Variants in PDZD2 observed in about 807,000 individuals in gnomAD.
PDZD2 encodes the protein PDZ domain-containing protein 2.
Under a neutral mutation model 220.7 loss-of-function variants are expected in PDZD2, and 90 were observed. The observed-to-expected ratio is 0.41, with a 90% CI of 0.34 to 0.49. PDZD2 has a LOEUF of 0.49. Ranked by LOEUF, PDZD2 falls within the 20% of genes least tolerant of loss-of-function variation. PDZD2 has a pLI of 0.28. For synonymous variants in PDZD2, 1,375 were observed against 1,450.5 expected, an observed-to-expected ratio of 0.95 and a Z score of 1.18; for missense variants, 3,174 against 3,608.5, an observed-to-expected ratio of 0.88 and a Z score of 3.08.
intron 2 of PDZD2, among the ~76,000 whole-genome samples, chr5:31,880,225 T>C (rs971908688): frequency 1.3e-5 from 2 of 152,170 alleles, no homozygotes; most frequent in African/African-American, 4.8e-5. Context: ...ACCCGGCCAA[T>C]ACCTGCCTTT....
intron 2 of PDZD2, 34 bp from the exon 3 acceptor site, chr5:31,983,121 G>A: frequency 6.3e-7 from 1 of 1,589,910 alleles, no homozygotes. Context: ...AAGGGTGTGT[G>A]GGGTTCTAAC....
chr5:31,680,280 A>G (rs1048374228), intron 1 of PDZD2, among the ~76,000 whole-genome samples: 5 of 152,170 alleles, frequency 3.3e-5, no homozygotes, highest in Admixed American at 6.5e-5. Flanking sequence ...GCTTCCCTTC[A>G]CAGAAAGGCT....
intron 1 of PDZD2, among the ~76,000 whole-genome samples, chr5:31,655,216 A>G (rs1745501379): frequency 6.6e-6 from 1 of 152,198 alleles, no homozygotes; most frequent in African/African-American, 2.4e-5. Flanking sequence ...TCTGTCACCC[A>G]GGCTGGAGTG....
chr5:31,846,278 C>T (rs1051285553), intron 2 of PDZD2, among the ~76,000 whole-genome samples: 11 of 152,178 alleles, frequency 7.2e-5, no homozygotes, highest in East Asian at 1.9e-4. Context: ...GGATTACAGG[C>T]GTGCACCACT....
chr5:31,754,399 A>G (rs1446099282), intron 1 of PDZD2: 1 of 151,956 alleles, frequency 6.6e-6, no homozygotes, highest in South Asian at 2.1e-4. Context: ...TGAATTTTCG[A>G]GGCTCTCGGT....
intron 2 of PDZD2, among the ~76,000 whole-genome samples, chr5:31,888,095 A>G (rs1230037168): frequency 6.6e-6 from 1 of 152,150 alleles, no homozygotes; most frequent in Non-Finnish European, 1.5e-5. Flanking sequence ...GATATTGCCC[A>G]TAGAAGCTTT....
intron 7 of PDZD2, among the ~76,000 whole-genome samples, chr5:32,041,476 C>T (rs1756143470): frequency 6.6e-6 from 1 of 152,044 alleles, no homozygotes. Flanking sequence ...ATAGGAGACT[C>T]CATTTTGTTC....
chr5:31,888,235 C>T (rs1297767830), intron 2 of PDZD2, among the ~76,000 whole-genome samples: 1 of 151,964 alleles, frequency 6.6e-6, no homozygotes, highest in African/African-American at 2.4e-5. Flanking sequence ...CTCTGTCACC[C>T]AGGCTGGAGT....
intron 1 of PDZD2, chr5:31,657,168 G>A (rs1745585196): frequency 6.6e-6 from 1 of 152,224 alleles, no homozygotes; most frequent in South Asian, 2.1e-4. Flanking sequence ...AGGGGATAAG[G>A]TTACTAGACC....
chr5:31,858,899 A>T (rs1442068003), intron 2 of PDZD2, among the ~76,000 whole-genome samples: 1 of 152,020 alleles, frequency 6.6e-6, no homozygotes, highest in Admixed American at 6.6e-5. Flanking sequence ...TTGTATCTTT[A>T]GTAGAGTCGG....
chr5:31,923,178 CCAGCTACT>C (rs1012656523), intron 2 of PDZD2, among the ~76,000 whole-genome samples: 2 of 152,192 alleles, frequency 1.3e-5, no homozygotes, highest in South Asian at 2.1e-4. Flanking sequence ...ACCTGTAATC[CCAGCTACT>C]CAGGGGGCAG....
At chr5:31,909,798 G>C (rs952427019) in intron 2 of PDZD2, among the ~76,000 whole-genome samples, 1 of 151,984 alleles carries the variant, frequency 6.6e-6, no homozygotes, top group African/African-American at 2.4e-5. Flanking sequence ...CAAATAATCA[G>C]AGCCAAATTT....
chr5:31,664,428 A>G (rs1319026457), intron 1 of PDZD2, among the ~76,000 whole-genome samples: 3 of 151,820 alleles, frequency 2.0e-5, no homozygotes, highest in African/African-American at 4.8e-5. Context: ...ACACTCATAC[A>G]CAGACACATG....
At chr5:31,859,607 C>T (rs1049692451) in intron 2 of PDZD2, among the ~76,000 whole-genome samples, 1 of 152,116 alleles carries the variant, frequency 6.6e-6, no homozygotes, top group African/African-American at 2.4e-5. Context: ...TTCTCTACTC[C>T]CTGCACTCTT....
At chr5:31,737,394 G>A (rs371292245) in intron 1 of PDZD2, among the ~76,000 whole-genome samples, 4 of 151,960 alleles carry the variant, frequency 2.6e-5, no homozygotes, top group Non-Finnish European at 2.9e-5. Context: ...GGATGGTCTT[G>A]ATCTCCTGAC....
At chr5:31,877,356 C>T (rs1157729905) in intron 2 of PDZD2, among the ~76,000 whole-genome samples, 1 of 152,080 alleles carries the variant, frequency 6.6e-6, no homozygotes, top group East Asian at 1.9e-4. Flanking sequence ...GCTGGGACCA[C>T]AGGTGCATAC....
chr5:31,700,105 G>A (rs982827420), intron 1 of PDZD2, among the ~76,000 whole-genome samples: 1 of 152,128 alleles, frequency 6.6e-6, no homozygotes, highest in Non-Finnish European at 1.5e-5. Context: ...GATTTGGCTC[G>A]AATGAGAGCC....
chr5:31,784,585 C>A (rs902507831), intron 1 of PDZD2, among the ~76,000 whole-genome samples: 1 of 152,140 alleles, frequency 6.6e-6, no homozygotes, highest in African/African-American at 2.4e-5. Flanking sequence ...CAGTGCAAAA[C>A]AGGGACAAAA....
chr5:31,711,876 G>C (rs981139216), intron 1 of PDZD2, among the ~76,000 whole-genome samples: 2 of 152,354 alleles, frequency 1.3e-5, no homozygotes, highest in Middle Eastern at 6.8e-3. Flanking sequence ...AGAAGGAGGG[G>C]GAGTTTGCCC....
Sources: gnomAD v4.1 joint callset for allele counts (sites outside exome capture counted in the v4.1 genomes callset) on GRCh38, gnomAD v4.1.1 for gene constraint, MANE v1.5 for transcripts, NCBI Gene and HGNC (gene_info 2026-07-23, HGNC 2026-07-21) for gene names.